The following WDR37 variants were observed in gnomAD, a reference collection of about 807,000 sequenced individuals.
WDR37 encodes WD repeat domain 37, also known as WD repeat-containing protein 37.
Under a neutral mutation model 62.9 loss-of-function variants are expected in WDR37, and 19 were observed. That is an observed-to-expected ratio of 0.30 (90% CI 0.21 to 0.44). The LOEUF (loss-of-function observed/expected upper bound fraction) is 0.44, where lower values mean the gene tolerates loss of function less well. Among genes scored for constraint, WDR37 ranks in the 20% least tolerant of loss-of-function variants. The pLI is 1.00. For missense variants in WDR37, 474 were observed against 657.6 expected (o/e 0.72, Z 3.05); for synonymous variants, 250 against 260.9 (o/e 0.96, Z 0.40).
At position 1,103,481 on chromosome 10, in the gene WDR37, AC is replaced by A; in HGVS notation, c.727-119del. 5 of 1,043,248 alleles carry A rather than the reference AC, an allele frequency of 4.8e-6. No homozygotes were observed. The South Asian group carries it at 7.7e-5, about 16-fold the overall frequency. 64.6% of individuals were successfully genotyped at this position (1,043,248 alleles called of 1,614,324 possible). A position where few individuals can be genotyped will look rare whatever the true frequency, so the allele number is the denominator to read the frequency against. The stretch of plus-strand genomic sequence containing the variant: ...GGCCAGCACCAGGCTCCTAGTGGTG[AC>A]CATCATGATGGATATGTCCTCAAGA... On this transcript the variant is annotated intron_variant, in intron 9 of 13. Coordinates refer to ENST00000263150, the MANE Select transcript of WDR37 (RefSeq NM_014023.4). This position sits in a 1 kb window ranked among gnomAD's most constrained non-coding sequence, Gnocchi z 6.3.
chr10:1,065,530 G>A (rs1833510215), intron 1 of WDR37, among the ~76,000 whole-genome samples: 1 of 152,006 alleles, frequency 6.6e-6, no homozygotes. Context: ...TTATTTTGTG[G>A]CTACAAGGTT....
chr10:1,061,607 A>C (rs1332466899), intron 1 of WDR37, among the ~76,000 whole-genome samples: 1 of 152,166 alleles, frequency 6.6e-6, no homozygotes, highest in African/African-American at 2.4e-5. Context: ...TGGGAGGCCG[A>C]GCTGGGCAGA....
At chr10:1,093,206 C>T (rs567268422) in intron 7 of WDR37, among the ~76,000 whole-genome samples, 1 of 152,122 alleles carries the variant, frequency 6.6e-6, no homozygotes, top group Non-Finnish European at 1.5e-5. Flanking sequence ...ATAAAAAGAA[C>T]TAGATGATGA....
Position 1,084,438 on chromosome 10 carries a change from T to A in WDR37, c.432T>A (p.Ala144=), listed in dbSNP as rs374351948. 6.2e-7 allele frequency: 1 copy of A among 1,614,074 alleles called. No individual in the cohort carries two copies. Among genetic ancestry groups the A allele is most frequent in the African/African-American group, 1.3e-5 (1 of 74,932 alleles). The change falls in exon 6 of 14, where the codon GCT becomes GCA. Residue 144 remains alanine (A), a synonymous_variant. Coordinates refer to ENST00000263150, the MANE Select transcript of WDR37 (RefSeq NM_014023.4). ...GCTTTAAGACCACGACATCGAGAGC[T>A]GCCTGCCAGCTCGTGAAGGAGTACA... ...VSSFKTTTSR[A]ACQLVKEYIG... is the part of the protein sequence containing the mutation.
At chr10:1,104,239 C>T (rs773052794) in intron 10 of WDR37, among the ~76,000 whole-genome samples, 7 of 152,202 alleles carry the variant, frequency 4.6e-5, no homozygotes, top group Non-Finnish European at 7.3e-5. Flanking sequence ...GCTGCCTGGT[C>T]AGGACCTCCC....
chr10:1,126,310 G>A (rs1043821509), intron 13 of WDR37, among the ~76,000 whole-genome samples: 4 of 150,584 alleles, frequency 2.7e-5, no homozygotes, highest in African/African-American at 1.0e-4. Context: ...GGAGGCTGAG[G>A]CAGGAGAATG....
intron 11 of WDR37, among the ~76,000 whole-genome samples, chr10:1,119,634 G>T (rs555220854): frequency 9.2e-5 from 14 of 152,300 alleles, no homozygotes; most frequent in African/African-American, 3.4e-4. Flanking sequence ...AGGCCTTAGG[G>T]TGCTGTTGTG....
intron 11 of WDR37, among the ~76,000 whole-genome samples, chr10:1,106,510 T>TTTTGTTTG (rs746898631): frequency 6.6e-6 from 1 of 152,058 alleles, no homozygotes; most frequent in East Asian, 1.9e-4. Context: ...AAATAGGACT[T>TTTTGTTTG]TTTGTTTGTT....
At chr10:1,071,165 G>T (rs1385100756) in intron 1 of WDR37, among the ~76,000 whole-genome samples, 1 of 152,144 alleles carries the variant, frequency 6.6e-6, no homozygotes, top group African/African-American at 2.4e-5. Context: ...TGGGACTTGG[G>T]CCAGTCTTTT....
rs533988045 is a variant in WDR37 at position 1,111,963 on chromosome 10, G to A, written c.1103+6696G>A. 1.9e-3 allele frequency among the ~76,000 whole-genome samples: 294 copies of A among 151,834 alleles called. 1 individual carries two copies. Among genetic ancestry groups the A allele is most frequent in the Admixed American group, 4.7e-3 (71 of 15,250 alleles). On this transcript the variant is annotated intron_variant, in intron 11 of 13. Coordinates refer to ENST00000263150, the MANE Select transcript of WDR37 (RefSeq NM_014023.4). The stretch of plus-strand genomic sequence containing the variant: ...GTTGCCCAGGCTGGAGTGCAGTGGT[G>A]CAATCTCGGCTCACTGCAACCTCCA...
intron 1 of WDR37, among the ~76,000 whole-genome samples, chr10:1,063,844 C>T (rs1833451441): frequency 2.0e-5 from 3 of 152,076 alleles, no homozygotes; most frequent in Admixed American, 1.3e-4. Context: ...TCTCAACTTC[C>T]ACCTCACCGT....
intron 9 of WDR37, among the ~76,000 whole-genome samples, chr10:1,102,717 CAG>C (rs1413946101): frequency 2.0e-5 from 3 of 152,202 alleles, no homozygotes; most frequent in Non-Finnish European, 4.4e-5. Context: ...GCCTCCAACA[CAG>C]GGGATTCCAG....
At chr10:1,069,389 A>ATATATATATTTTTTTTTTTTTTTTTT in intron 1 of WDR37, among the ~76,000 whole-genome samples, 1 of 95,780 alleles carries the variant, frequency 1.0e-5, no homozygotes, top group Non-Finnish European at 1.9e-5. Flanking sequence ...ATATATATAT[A>ATATATATATTTTTTTTTTTTTTTTTT]TTTTTTTTTT....
intron 2 of WDR37, among the ~76,000 whole-genome samples, chr10:1,074,947 A>G (rs1564498714): frequency 6.6e-6 from 1 of 152,252 alleles, no homozygotes; most frequent in East Asian, 1.9e-4. Context: ...TGCTTCCCGC[A>G]CGTGCGTGCA....
At chr10:1,122,622 C>T (rs557665200) in intron 11 of WDR37, among the ~76,000 whole-genome samples, 26 of 152,394 alleles carry the variant, frequency 1.7e-4, no homozygotes, top group Admixed American at 5.2e-4. Flanking sequence ...CCTTAGCTCA[C>T]GGGGAAAGTA....
intron 7 of WDR37, among the ~76,000 whole-genome samples, chr10:1,086,646 G>A (rs1834211125): frequency 6.6e-6 from 1 of 152,150 alleles, no homozygotes; most frequent in African/African-American, 2.4e-5. Flanking sequence ...ACTGAAATGT[G>A]TGCGTTATTT....
chr10:1,057,165 G>A (rs942414940), intron 1 of WDR37, among the ~76,000 whole-genome samples, 197 bp downstream of exon 1: 5 of 152,070 alleles, frequency 3.3e-5, no homozygotes, highest in East Asian at 3.9e-4. Context: ...ACCCGTGGCG[G>A]TGCAGGAAGG....
rs1835673616 is a variant in WDR37 at position 1,124,332 on chromosome 10, C to T, written c.1218C>T (p.Arg406=). 1 of 1,614,180 alleles carries T rather than the reference C, an allele frequency of 6.2e-7. No individual in the cohort carries two copies. The highest frequency in any genetic ancestry group is 8.5e-7 in the Non-Finnish European group (1 of 1,180,032). Residue 406 remains arginine (R), a synonymous_variant, in exon 12 of 14, where the codon CGC becomes CGT. Coordinates refer to ENST00000263150, the MANE Select transcript of WDR37 (RefSeq NM_014023.4). ...KNMRSPIATI[R]TDSAINRINV... is the part of the protein sequence containing the mutation. The stretch of plus-strand genomic sequence containing the variant: ...TGAGATCCCCCATTGCAACTATTCG[C>T]ACGGACTCTGCCATTAACAGGTAAA...
intron 5 of WDR37, among the ~76,000 whole-genome samples, chr10:1,081,243 CCTT>C (rs559940648): frequency 6.6e-6 from 1 of 152,072 alleles, no homozygotes; most frequent in Non-Finnish European, 1.5e-5. Flanking sequence ...CTCGTGCTGA[CCTT>C]CTTAAAGTGG....
Sources: gnomAD v4.1 joint callset for allele counts (sites outside exome capture counted in the v4.1 genomes callset) on GRCh38, gnomAD v4.1.1 for gene constraint, Gnocchi (gnomAD v3.1) non-coding constraint, MANE v1.5 for transcripts, NCBI Gene and HGNC (gene_info 2026-07-23, HGNC 2026-07-21) for gene names.